The following FAM184B variants were observed in gnomAD, a reference collection of about 807,000 sequenced individuals.
FAM184B encodes the protein family with sequence similarity 184 member B.
In FAM184B, 111 loss-of-function variants were observed where a neutral mutation model predicts 135.9. The ratio of observed to expected loss-of-function variants is 0.82; its 90% CI spans 0.70 to 0.96. The LOEUF (loss-of-function observed/expected upper bound fraction) is 0.96, where lower values mean the gene tolerates loss of function less well. FAM184B is among the 40% of genes least tolerant of loss of function. The probability of loss-of-function intolerance (pLI) is 0.00; values close to 1 mark genes in which losing one functional copy is unlikely to be tolerated. For synonymous variants in FAM184B, 552 were observed against 524.8 expected, an observed-to-expected ratio of 1.05 and a Z score of -0.71; for missense variants, 1,375 against 1,323.9, an observed-to-expected ratio of 1.04 and a Z score of -0.60.
At chr4:17,726,154 G>A (rs193074846) in intron 1 of FAM184B, among the ~76,000 whole-genome samples, 232 of 152,134 alleles carry the variant, frequency 1.5e-3, no homozygotes, top group African/African-American at 5.2e-3. Flanking sequence ...TTGATCTCCT[G>A]ACCTTGTGAT....
intron 1 of FAM184B, among the ~76,000 whole-genome samples, chr4:17,751,649 C>T (rs1718293424): frequency 6.6e-6 from 1 of 151,978 alleles, no homozygotes; most frequent in South Asian, 2.1e-4. Context: ...GGTGGTTGAG[C>T]CTGGTTCTAT....
intron 1 of FAM184B, among the ~76,000 whole-genome samples, chr4:17,751,868 A>ACACACACACACACACACACAC (rs1382691924): frequency 3.5e-5 from 2 of 57,062 alleles, no homozygotes; most frequent in East Asian, 1.3e-3. Context: ...CACACACACA[A>ACACACACACACACACACACAC]AAGAACCAGG....
chr4:17,722,812 G>A (rs1476523724), intron 1 of FAM184B, among the ~76,000 whole-genome samples: 1 of 152,134 alleles, frequency 6.6e-6, no homozygotes, highest in African/African-American at 2.4e-5. Flanking sequence ...CCTTTGGTTG[G>A]CCAACCTGGT....
chr4:17,773,761 G>C (rs1463256283), intron 1 of FAM184B, among the ~76,000 whole-genome samples: 1 of 152,060 alleles, frequency 6.6e-6, no homozygotes. Context: ...ATTTTTAGTA[G>C]AGATGGGGTT....
chr4:17,667,970 G>T (rs189956867), intron 7 of FAM184B, among the ~76,000 whole-genome samples: 123 of 152,296 alleles, frequency 8.1e-4, no homozygotes, highest in Middle Eastern at 3.4e-3. Context: ...TCCTGGGGCA[G>T]CAGCCAGGCC....
chr4:17,632,414 A>C lies in FAM184B; in HGVS notation c.*118T>G. 1 of 856,256 alleles carries C rather than the reference A, an allele frequency of 1.2e-6. No individual in the cohort carries two copies. The allele number at this position is 856,256 out of a possible 1,614,324, so 53.0% of individuals were successfully genotyped here. A position where few individuals can be genotyped will look rare whatever the true frequency, so the allele number is the denominator to read the frequency against. ...GTTAACGCCAAAATTTGTTTTAGCT[A>C]TCATATATAAATCATAAGCATATTA... On this transcript the variant is annotated 3_prime_UTR_variant, in exon 18 of 18. Coordinates refer to ENST00000265018, the MANE Select transcript of FAM184B (RefSeq NM_015688.2).
chr4:17,683,234 T>C (rs554703730), intron 7 of FAM184B, among the ~76,000 whole-genome samples: 2 of 152,288 alleles, frequency 1.3e-5, no homozygotes. Context: ...GTGTTGCTGG[T>C]GGGGGCACAG....
chr4:17,641,145 G>C (rs1489283302), intron 13 of FAM184B, among the ~76,000 whole-genome samples: 2 of 152,068 alleles, frequency 1.3e-5, no homozygotes, highest in Non-Finnish European at 2.9e-5. Flanking sequence ...TGTTGCCCAG[G>C]CTGGTCTTGG....
At chr4:17,636,791 C>T (rs1005745178) in intron 14 of FAM184B, 146 bp from the exon 15 acceptor site, 1 of 660,516 alleles carries the variant, frequency 1.5e-6, no homozygotes, top group Non-Finnish European at 2.5e-6. Context: ...CCAGGGCCCC[C>T]TGGGGAGATG....
intron 1 of FAM184B, among the ~76,000 whole-genome samples, chr4:17,770,436 AGTTGTTGTT>A (rs10597477): frequency 0.039 from 3,740 of 94,962 alleles, 66 homozygotes; most frequent in Non-Finnish European, 0.066. Flanking sequence ...CCTCAGAACT[AGTTGTTGTT>A]GTTGTTGTTG....
In FAM184B at chr4:17,708,991, C is replaced by A. The variant is rs914500469; in HGVS notation, c.795G>T (p.Leu265=). 1.2e-5 allele frequency: 19 copies of A among 1,550,634 alleles called. No individual in the cohort carries two copies. In the African/African-American group the frequency reaches 2.5e-4, roughly 20 times the overall value. ...CTTCCAGCTTCCGGACCTGAGCCTG[C>A]AGGGCTGACTCCTGGACCTGGAAGT... ...RKNFQVQESA[L]QAQVRKLEGD... Residue 265 remains leucine (L), a synonymous_variant, in exon 2 of 18, where the codon CTG becomes CTT. Coordinates refer to ENST00000265018, the MANE Select transcript of FAM184B (RefSeq NM_015688.2).
chr4:17,647,599 G>C, intron 12 of FAM184B, 38 bp downstream of exon 12: 1 of 1,532,322 alleles, frequency 6.5e-7, no homozygotes, highest in Non-Finnish European at 8.8e-7. Flanking sequence ...ATGCTGCTCT[G>C]GGAGGGGTAT....
At chr4:17,707,316 C>A (rs1489792272) in intron 3 of FAM184B, among the ~76,000 whole-genome samples, 9 of 152,148 alleles carry the variant, frequency 5.9e-5, no homozygotes, top group Non-Finnish European at 1.2e-4. Context: ...ATGTTAAAAG[C>A]ATAAAGCATT....
At chr4:17,724,204 A>G (rs950365810) in intron 1 of FAM184B, among the ~76,000 whole-genome samples, 5 of 152,116 alleles carry the variant, frequency 3.3e-5, no homozygotes, top group Admixed American at 1.3e-4. Flanking sequence ...ACACCAAAAC[A>G]TGACCGTGGT....
At chr4:17,731,045 T>C (rs776021686) in intron 1 of FAM184B, among the ~76,000 whole-genome samples, 2 of 152,030 alleles carry the variant, frequency 1.3e-5, no homozygotes, top group Non-Finnish European at 2.9e-5. Context: ...GAAAAAAGAA[T>C]AAAACCCAGA....
chr4:17,745,926 T>C (rs1250035841), intron 1 of FAM184B, among the ~76,000 whole-genome samples: 1 of 152,204 alleles, frequency 6.6e-6, no homozygotes, highest in Non-Finnish European at 1.5e-5. Flanking sequence ...GGGCCTATGA[T>C]CTTTGGTTAT....
chr4:17,671,437 C>A (rs1023697398), intron 7 of FAM184B, among the ~76,000 whole-genome samples: 9 of 152,036 alleles, frequency 5.9e-5, no homozygotes, highest in African/African-American at 1.7e-4. Context: ...GCAGAGTGAG[C>A]AAATGAAAAC....
At chr4:17,650,801 G>A (rs867913062) in intron 11 of FAM184B, among the ~76,000 whole-genome samples, 10 of 152,296 alleles carry the variant, frequency 6.6e-5, no homozygotes, top group South Asian at 2.1e-4. Flanking sequence ...AGTGGGACAC[G>A]CTTTCTAATG....
chr4:17,730,192 A>C (rs940414452), intron 1 of FAM184B, among the ~76,000 whole-genome samples: 2 of 152,228 alleles, frequency 1.3e-5, no homozygotes, highest in African/African-American at 2.4e-5. Context: ...GAATGAAATG[A>C]AGCGAGAAGG....
Sources: allele counts gnomAD v4.1 joint callset (sites outside exome capture counted in the v4.1 genomes callset), GRCh38; gene constraint gnomAD v4.1.1; transcripts MANE v1.5; gene names NCBI Gene and HGNC (gene_info 2026-07-23, HGNC 2026-07-21).